SLC35F4: variants seen among roughly 807,000 people sequenced by gnomAD.
SLC35F4 encodes chromosome 14 open reading frame 36.
SLC35F4 carries 24 observed loss-of-function variants against 44.2 expected under a neutral mutation model. The ratio of observed to expected loss-of-function variants is 0.54; its 90% CI spans 0.39 to 0.76. SLC35F4 has a LOEUF of 0.76. Ranked by LOEUF, SLC35F4 falls within the 30% of genes least tolerant of loss-of-function variation. The pLI, the probability that SLC35F4 is intolerant of heterozygous loss-of-function variation, is 0.00. For synonymous variants in SLC35F4, 238 were observed against 223.6 expected (o/e 1.06, Z -0.57); for missense variants, 562 against 586.1 (o/e 0.96, Z 0.42).
chr14:57,957,715 C>T (rs1890264585), intron 1 of SLC35F4, among the ~76,000 whole-genome samples: 2 of 152,056 alleles, frequency 1.3e-5, no homozygotes, highest in African/African-American at 2.4e-5. Context: ...CAAGAAGCTC[C>T]GGCTCTAGGG....
intron 1 of SLC35F4, among the ~76,000 whole-genome samples, chr14:57,662,163 T>C (rs1404065388): frequency 6.6e-6 from 1 of 152,090 alleles, no homozygotes; most frequent in East Asian, 1.9e-4. Context: ...GTGATCAGAG[T>C]TCTATAACTT....
chr14:57,769,160 T>A (rs559394254), intron 1 of SLC35F4, among the ~76,000 whole-genome samples: 1 of 152,082 alleles, frequency 6.6e-6, no homozygotes, highest in Admixed American at 6.6e-5. Flanking sequence ...CTAAGAACAA[T>A]GCACAGCTTT....
chr14:57,836,784 G>T (rs1884978748), intron 1 of SLC35F4, among the ~76,000 whole-genome samples: 1 of 151,942 alleles, frequency 6.6e-6, no homozygotes, highest in African/African-American at 2.4e-5. Flanking sequence ...CACCCTTCCT[G>T]AATTACTTTA....
At chr14:57,973,805 T>A (rs1280826677), downstream of SLC35F4, among the ~76,000 whole-genome samples, 3 of 152,068 alleles carry the variant, frequency 2.0e-5, no homozygotes, top group Non-Finnish European at 2.9e-5. Context: ...CATTCTCTCT[T>A]CTTATTTGCC....
chr14:57,607,664 T>C (rs1158015042), intron 1 of SLC35F4, among the ~76,000 whole-genome samples: 1 of 152,136 alleles, frequency 6.6e-6, no homozygotes, highest in African/African-American at 2.4e-5. Context: ...AGGATTTAAG[T>C]AGGGAAGTGG....
intron 1 of SLC35F4, among the ~76,000 whole-genome samples, chr14:57,791,811 G>C (rs1479573132): frequency 6.6e-6 from 1 of 152,156 alleles, no homozygotes; most frequent in Non-Finnish European, 1.5e-5. Flanking sequence ...CATGCCCTTT[G>C]CAGGGACATG....
chr14:57,600,474 C>T (rs1056727409), intron 1 of SLC35F4, among the ~76,000 whole-genome samples: 4 of 150,662 alleles, frequency 2.7e-5, no homozygotes, highest in Admixed American at 6.6e-5. Flanking sequence ...GGGCGGATCA[C>T]GAGGTCAGGA....
chr14:57,875,730 T>C (rs565217353), intron 1 of SLC35F4, among the ~76,000 whole-genome samples: 2 of 152,350 alleles, frequency 1.3e-5, no homozygotes, highest in African/African-American at 4.8e-5. Flanking sequence ...GCTTCTTTCA[T>C]ATTCTATTGG....
At chr14:57,943,748 C>A (rs1489866699) in intron 1 of SLC35F4, among the ~76,000 whole-genome samples, 2 of 152,314 alleles carry the variant, frequency 1.3e-5, no homozygotes, top group South Asian at 2.1e-4. Flanking sequence ...ACCGCCAGTG[C>A]TGGTTCTAAT....
intron 1 of SLC35F4, among the ~76,000 whole-genome samples, chr14:57,981,229 T>C (rs562335543): frequency 1.3e-5 from 2 of 152,330 alleles, no homozygotes; most frequent in Non-Finnish European, 2.9e-5. Flanking sequence ...AACCAGACCA[T>C]CCCACTGTGC....
intron 1 of SLC35F4, among the ~76,000 whole-genome samples, chr14:57,807,036 C>T (rs1233839627): frequency 3.3e-5 from 5 of 152,146 alleles, no homozygotes; most frequent in Admixed American, 1.3e-4. Flanking sequence ...CAGAAAATAA[C>T]AAGTCCTCTT....
intron 1 of SLC35F4, among the ~76,000 whole-genome samples, chr14:57,626,460 T>C (rs576084674): frequency 4.6e-5 from 7 of 152,214 alleles, no homozygotes; most frequent in East Asian, 1.9e-4. Context: ...TGTGCTCTGA[T>C]AGGAGCTCTT....
intron 1 of SLC35F4, among the ~76,000 whole-genome samples, chr14:57,937,240 G>T (rs1358331925): frequency 6.6e-6 from 1 of 151,934 alleles, no homozygotes; most frequent in Admixed American, 6.6e-5. Context: ...GCTAATTTTT[G>T]TATTTTTACC....
intron 1 of SLC35F4, among the ~76,000 whole-genome samples, chr14:57,766,004 T>A (rs73291841): frequency 6.6e-6 from 1 of 152,134 alleles, no homozygotes; most frequent in Non-Finnish European, 1.5e-5. Context: ...TGTAAACCCA[T>A]AGACTGCCTT....
At chr14:57,927,831 G>A (rs921751657) in intron 1 of SLC35F4, among the ~76,000 whole-genome samples, 1 of 151,984 alleles carries the variant, frequency 6.6e-6, no homozygotes, top group Non-Finnish European at 1.5e-5. Flanking sequence ...ATCTTTCACA[G>A]AACAAAAGTC....
chr14:57,809,308 A>G (rs773628255), intron 1 of SLC35F4, among the ~76,000 whole-genome samples: 1 of 152,146 alleles, frequency 6.6e-6, no homozygotes, highest in Non-Finnish European at 1.5e-5. Flanking sequence ...GCTAGGATAC[A>G]TTTCCCAGCT....
At chr14:57,700,134 G>C (rs887402052) in intron 1 of SLC35F4, among the ~76,000 whole-genome samples, 5 of 152,160 alleles carry the variant, frequency 3.3e-5, no homozygotes, top group African/African-American at 1.2e-4. Flanking sequence ...ACATCGTAGA[G>C]TGTACTTATA....
intron 1 of SLC35F4, among the ~76,000 whole-genome samples, chr14:57,602,084 A>T (rs1040526413): frequency 1.3e-5 from 2 of 152,298 alleles, no homozygotes; most frequent in Admixed American, 1.3e-4. Flanking sequence ...GCTTAAATAC[A>T]TTAAGGTGAG....
At chr14:57,909,697 C>T (rs979878558) in intron 1 of SLC35F4, among the ~76,000 whole-genome samples, 2 of 152,022 alleles carry the variant, frequency 1.3e-5, no homozygotes, top group Non-Finnish European at 2.9e-5. Flanking sequence ...GAATGTAACA[C>T]AGTTCATTTA....
Sources: allele counts gnomAD v4.1 joint callset (sites outside exome capture counted in the v4.1 genomes callset), GRCh38; gene constraint gnomAD v4.1.1; transcripts MANE v1.5; gene names NCBI Gene and HGNC (gene_info 2026-07-23, HGNC 2026-07-21).